CFAP54: variants seen among roughly 807,000 people sequenced by gnomAD.
CFAP54 encodes cilia and flagella associated protein 54.
A neutral mutation model predicts 370.4 loss-of-function variants in CFAP54; 290 were observed. The ratio of observed to expected loss-of-function variants is 0.78; its 90% CI spans 0.71 to 0.86. CFAP54 has a LOEUF of 0.86. CFAP54 is among the 40% of genes least tolerant of loss of function. CFAP54 has a pLI of 0.00. For synonymous variants in CFAP54, 1,206 were observed against 1,236.5 expected, an observed-to-expected ratio of 0.98 and a Z score of 0.52; for missense variants, 3,399 against 3,528.7, an observed-to-expected ratio of 0.96 and a Z score of 0.93.
chr12:96,718,241 C>T (rs1318884512), intron 48 of CFAP54, among the ~76,000 whole-genome samples: 1 of 152,090 alleles, frequency 6.6e-6, no homozygotes, highest in Non-Finnish European at 1.5e-5. Context: ...CGCCCGTAGT[C>T]CCAGCTACTC....
chr12:96,695,468 A>C (rs1957432062), intron 45 of CFAP54, among the ~76,000 whole-genome samples: 2 of 152,218 alleles, frequency 1.3e-5, no homozygotes, highest in African/African-American at 4.8e-5. Flanking sequence ...GTTACTGATC[A>C]TGAAAATTTC....
chr12:96,649,910 A>G lies in CFAP54; in HGVS notation c.4710A>G (p.Thr1570=). 1.9e-6 allele frequency: 3 copies of G among 1,597,358 alleles called. No individual in the cohort carries two copies. In the East Asian group the frequency reaches 6.7e-5, roughly 36 times the overall value. The change falls in exon 35 of 68, where the codon ACA becomes ACG. Residue 1570 remains threonine (T), a synonymous_variant. Coordinates refer to ENST00000524981, the MANE Select transcript of CFAP54 (RefSeq NM_001306084.2). ...CTGTAGATGCTGAAGAATTTTCTAC[A>G]TTTATTAATTCCATAATGAGTGATG... ...NLPSDAEEFS[T]FINSIMSDEN...
At chr12:96,825,698 ATT>A (rs1491201749) in intron 65 of CFAP54, among the ~76,000 whole-genome samples, 95 of 124,314 alleles carry the variant, frequency 7.6e-4, no homozygotes, top group South Asian at 1.2e-3. Context: ...CACGATATAT[ATT>A]ATATATTAAT....
chr12:96,495,269 CTTCCTTCCTTCCTTCCTTCCTTCT>C (rs1472690834), intron 1 of CFAP54, among the ~76,000 whole-genome samples: 4 of 114,394 alleles, frequency 3.5e-5, no homozygotes, highest in South Asian at 2.6e-4. Context: ...TCCTTCCTTC[CTTCCTTCCTTCCTTCCTTCCTTCT>C]TTCCTTCCTT....
At chr12:96,535,053 T>TG (rs5800253) in intron 11 of CFAP54, among the ~76,000 whole-genome samples, 19 of 142,318 alleles carry the variant, frequency 1.3e-4, no homozygotes, top group African/African-American at 4.5e-4. Context: ...TGTGTGTGTG[T>TG]TTATTTATTT....
chr12:96,512,895 T>C, intron 4 of CFAP54, 91 bp from the exon 5 acceptor site: 1 of 695,298 alleles, frequency 1.4e-6, no homozygotes, highest in Non-Finnish European at 2.3e-6. Flanking sequence ...TCACTTGTTT[T>C]GGGAACTACA....
intron 67 of CFAP54, among the ~76,000 whole-genome samples, chr12:96,865,877 T>C (rs1959993861): frequency 6.6e-6 from 1 of 152,124 alleles, no homozygotes; most frequent in African/African-American, 2.4e-5. Context: ...TTAAACTATA[T>C]ACATATGCCC....
intron 48 of CFAP54, among the ~76,000 whole-genome samples, chr12:96,717,379 C>G (rs1310813722): frequency 6.6e-6 from 1 of 152,198 alleles, no homozygotes; most frequent in Non-Finnish European, 1.5e-5. Flanking sequence ...ATTTAGGAGA[C>G]TAGCCAGGTA....
intron 64 of CFAP54, among the ~76,000 whole-genome samples, chr12:96,812,644 T>C (rs1444731026): frequency 6.6e-6 from 1 of 152,146 alleles, no homozygotes; most frequent in Non-Finnish European, 1.5e-5. Context: ...CTAACGCCTG[T>C]TCCATCACTA....
intron 14 of CFAP54, among the ~76,000 whole-genome samples, chr12:96,545,488 A>T (rs1955629675): frequency 6.6e-6 from 1 of 152,078 alleles, no homozygotes; most frequent in Non-Finnish European, 1.5e-5. Context: ...AAAAACAAAC[A>T]ATATATTTCC....
At chr12:96,797,964 A>G (rs762249446) in intron 63 of CFAP54, among the ~76,000 whole-genome samples, 14 of 151,690 alleles carry the variant, frequency 9.2e-5, no homozygotes, top group Non-Finnish European at 1.8e-4. Context: ...TTTTTTCACT[A>G]TAAGTTTTGA....
At chr12:96,536,825 C>T (rs527619422) in intron 12 of CFAP54, among the ~76,000 whole-genome samples, 1 of 152,080 alleles carries the variant, frequency 6.6e-6, no homozygotes, top group African/African-American at 2.4e-5. Flanking sequence ...CGGGTTTCCC[C>T]ATGTTGTACA....
At chr12:96,620,446 G>T (rs756608142) in intron 26 of CFAP54, among the ~76,000 whole-genome samples, 2 of 152,344 alleles carry the variant, frequency 1.3e-5, no homozygotes, top group Middle Eastern at 6.8e-3. Flanking sequence ...CACCATGTAA[G>T]ACATGACTTT....
chr12:96,610,976 AC>A (rs1956352145), intron 26 of CFAP54, among the ~76,000 whole-genome samples: 2 of 152,242 alleles, frequency 1.3e-5, no homozygotes, highest in Non-Finnish European at 2.9e-5. Context: ...GCACAGTCGA[AC>A]AAAAGGCAGC....
chr12:96,539,924 G>A (rs960033410), intron 13 of CFAP54, among the ~76,000 whole-genome samples: 88 of 152,282 alleles, frequency 5.8e-4, no homozygotes, highest in African/African-American at 1.9e-3. Flanking sequence ...TATAGCTTTG[G>A]TAATTTGGAA....
intron 26 of CFAP54, among the ~76,000 whole-genome samples, chr12:96,617,610 C>T (rs1487685873): frequency 6.6e-6 from 1 of 152,218 alleles, no homozygotes. Flanking sequence ...GCACCCTTTT[C>T]TTTTTCCAGT....
intron 62 of CFAP54, among the ~76,000 whole-genome samples, chr12:96,791,321 A>T (rs916360106): frequency 6.6e-6 from 1 of 151,242 alleles, no homozygotes; most frequent in Non-Finnish European, 1.5e-5. Context: ...TATTATCTCT[A>T]TGGCTAGCCT....
intron 60 of CFAP54, among the ~76,000 whole-genome samples, chr12:96,773,931 G>A (rs6538739): frequency 0.4 from 60,276 of 151,916 alleles, 12,708 homozygotes; most frequent in South Asian, 0.55. Context: ...TTTTTGCCAA[G>A]ATCATTCTAA....
At chr12:96,724,617 T>C (rs1656138177) in intron 50 of CFAP54, among the ~76,000 whole-genome samples, 7 of 151,940 alleles carry the variant, frequency 4.6e-5, no homozygotes, top group South Asian at 2.1e-4. Context: ...TTCTTCCATT[T>C]TGTAGGTTGC....
Sources: gnomAD v4.1 joint callset for allele counts (sites outside exome capture counted in the v4.1 genomes callset) on GRCh38, gnomAD v4.1.1 for gene constraint, MANE v1.5 for transcripts, NCBI Gene and HGNC (gene_info 2026-07-23, HGNC 2026-07-21) for gene names.